HRAS: variants seen among roughly 807,000 people sequenced by gnomAD.
HRAS encodes GTPase HRas.
HRAS carries 11 observed loss-of-function variants against 19.8 expected under a neutral mutation model. The ratio of observed to expected loss-of-function variants is 0.55; its 90% CI spans 0.35 to 0.92. HRAS has a LOEUF of 0.92. Ranked by LOEUF, HRAS falls within the 40% of genes least tolerant of loss-of-function variation. The pLI is 0.01. For synonymous variants in HRAS, 149 were observed against 105.5 expected (o/e 1.41, Z -2.52); for missense variants, 204 against 255.9 (o/e 0.80, Z 1.38).
chr11:533,676 G>C lies in HRAS; in HGVS notation c.291-64C>G. On this transcript the variant is annotated intron_variant, in intron 3 of 5. Transcript: ENST00000311189. ...AGGCGCAGCGGCATCCAGGACATGC[G>C]CAGAGAGGACAGGAGGCCCCTGCCT... 8 of 1,611,536 alleles carry C rather than the reference G, an allele frequency of 5.0e-6. No homozygotes were observed. The South Asian group carries it at 7.7e-5, about 15-fold the overall frequency.
In HRAS at chr11:533,458, G is replaced by A. The variant is rs1554884750; in HGVS notation, c.445C>T (p.Arg149Trp). Residue 149 changes from arginine to tryptophan, a missense_variant, in exon 4 of 6, where the codon CGG becomes TGG. This residue lies in a region of HRAS where 142 missense variants were observed against 141.1 expected (regional missense o/e 1.01). Transcript: ENST00000311189. ...GGGGTGGAGAGCTGCCTCACCTGCC[G>A]GGTCTTGGCCGAGGTCTCGATGTAG... ...IPYIETSAKT[R>W]QGVEDAFYTL... is the part of the protein sequence containing the mutation. 1.2e-6 allele frequency: 2 copies of A among 1,613,270 alleles called. No homozygotes were observed. Among genetic ancestry groups the A allele is most frequent in the East Asian group, 2.2e-5 (1 of 44,880 alleles).
At chr11:534,612 A>G (rs1851341585) in intron 1 of HRAS, 1 of 529,592 alleles carries the variant, frequency 1.9e-6, no homozygotes, top group Admixed American at 3.2e-5. Context: ...CAGCCCTCAA[A>G]GGCAGGGCTG....
chr11:534,123 G>T, intron 2 of HRAS, 89 bp downstream of exon 2: 1 of 1,226,524 alleles, frequency 8.2e-7, no homozygotes, highest in Non-Finnish European at 1.2e-6. Flanking sequence ...CCATGCAGGG[G>T]ACCAGGGGCT....
Position 534,312 on chromosome 11 carries a change from T to C in HRAS, c.11A>G (p.Tyr4Cys), listed in dbSNP as rs764622691. Residue 4 changes from tyrosine to cysteine, a missense_variant, in exon 2 of 6, where the codon TAT becomes TGT. Coordinates refer to ENST00000311189, the MANE Select transcript of HRAS (RefSeq NM_005343.4). Reference protein sequence around the residue: MTEYKLVVVGAGGV... With the variant: MTECKLVVVGAGGV... ...GCCGGCGCCCACCACCACCAGCTTA[T>C]ATTCCGTCATCGCTCCTCAGGGGCC... 34 of 1,612,570 alleles carry C rather than the reference T, an allele frequency of 2.1e-5. No homozygotes were observed. Among genetic ancestry groups the C allele is most frequent in the Non-Finnish European group, 2.8e-5 (33 of 1,179,806 alleles).
Position 533,537 on chromosome 11 carries a change from T to G in HRAS, c.366A>C (p.Ala122=). The G allele has an allele frequency of 6.2e-7, 1 of 1,613,858 alleles. No individual in the cohort carries two copies. The highest frequency in any genetic ancestry group is 8.5e-7 in the Non-Finnish European group (1 of 1,179,996). ...GAGCCTGCCGAGATTCCACAGTGCG[T>G]GCAGCCAGGTCACACTTGTTCCCCA... ...VLVGNKCDLA[A]RTVESRQAQD... is the part of the protein sequence containing the mutation. Residue 122 remains alanine (A), a synonymous_variant, in exon 4 of 6, where the codon GCA becomes GCC. Transcript: ENST00000311189.
chr11:533,671 C>T, intron 3 of HRAS, 59 bp from the exon 4 acceptor site: 1 of 1,612,462 alleles, frequency 6.2e-7, no homozygotes, highest in South Asian at 1.1e-5. Flanking sequence ...GCATCCAGGA[C>T]ATGCGCAGAG....
In HRAS at chr11:533,638, C is replaced by T. The variant is rs771080319; in HGVS notation, c.291-26G>A. ...CTGAGAGGTGGAAAGCGAGAGCTGG[C>T]TACGGGGGCTGCAGGCGCAGCGGCA... On this transcript the variant is annotated intron_variant, in intron 3 of 5. Transcript: ENST00000311189. 3.7e-6 allele frequency: 6 copies of T among 1,613,518 alleles called. No individual in the cohort carries two copies. In the Admixed American group the frequency reaches 8.3e-5, roughly 22 times the overall value.
chr11:533,775 T>G lies in HRAS; in HGVS notation c.281A>C (p.His94Pro), dbSNP rs1408819968. The change falls in exon 3 of 6, where the codon CAC (histidine) becomes CCC (proline). Residue 94 changes from histidine to proline, a missense_variant. Transcript: ENST00000311189. ...GCCTCACGGGGTTCACCTGTACTGG[T>G]GGATGTCCTCAAAAGACTTGGTGTT... ...INNTKSFEDI[H>P]QYREQIKRVK... 6.2e-7 allele frequency: 1 copy of G among 1,613,262 alleles called. No individual in the cohort carries two copies. Among genetic ancestry groups the G allele is most frequent in the Non-Finnish European group, 8.5e-7 (1 of 1,179,988 alleles).
intron 2 of HRAS, 71 bp downstream of exon 2, chr11:534,141 G>A: frequency 7.6e-7 from 1 of 1,324,208 alleles, no homozygotes; most frequent in East Asian, 2.3e-5. Context: ...GCTGCAGCCA[G>A]CCCTATCCTG....
chr11:533,477 G>C lies in HRAS; in HGVS notation c.426C>G (p.Ile142Met), dbSNP rs533567288. The change falls in exon 4 of 6, where the codon ATC becomes ATG. Residue 142 changes from isoleucine to methionine, a missense_variant. By Grantham distance (10) the Ile-to-Met change is conservative. Around this residue, in one of 4 missense-constraint regions of HRAS, gnomAD observed 142 missense variants for 141.1 expected, o/e 1.01. Transcript: ENST00000311189. Reference sequence around the variant, plus strand: ...CCTGCCGGGTCTTGGCCGAGGTCTCGATGTAGGGGATGCCGTAGCTTCGGG... The same window carrying C: ...CCTGCCGGGTCTTGGCCGAGGTCTCCATGTAGGGGATGCCGTAGCTTCGGG... The part of the protein sequence containing the change: ...DLARSYGIPY[I>M]ETSAKTRQGV... 8 of 1,613,552 alleles carry C rather than the reference G, an allele frequency of 5.0e-6. No individual in the cohort carries two copies. Among genetic ancestry groups the C allele is most frequent in the East Asian group, 2.2e-5 (1 of 44,888 alleles).
chr11:532,939 C>T (rs546458687), intron 4 of HRAS, among the ~76,000 whole-genome samples, 184 bp from the exon 5 acceptor site: 70 of 152,318 alleles, frequency 4.6e-4, no homozygotes, highest in Non-Finnish European at 7.2e-4. Context: ...CAGGGCCACC[C>T]GCATCATGCT....
intron 2 of HRAS, 108 bp downstream of exon 2, chr11:534,104 G>T (rs1033863305): frequency 1.7e-6 from 2 of 1,172,572 alleles, no homozygotes; most frequent in Non-Finnish European, 2.5e-6. Flanking sequence ...AGGAGACAGG[G>T]CCACAGCACC....
intron 1 of HRAS, 146 bp downstream of exon 1, chr11:535,270 C>A (rs1241923449): frequency 7.4e-6 from 1 of 134,836 alleles, no homozygotes. Context: ...TGCCCGCGGG[C>A]CCCGCCCGGC....
In HRAS at chr11:532,291, C is replaced by T. The variant is rs990121079; in HGVS notation, c.*237G>A. Reference sequence around the variant, plus strand: ...TGATCCCATCTGTGCCCGACAAGGGCCCACAGAGGCCTGGGAGGGGAGCTA... The same window carrying T: ...TGATCCCATCTGTGCCCGACAAGGGTCCACAGAGGCCTGGGAGGGGAGCTA... On this transcript the variant is annotated 3_prime_UTR_variant, in exon 6 of 6. Coordinates refer to ENST00000311189, the MANE Select transcript of HRAS (RefSeq NM_005343.4). The T allele has an allele frequency of 1.1e-4, 53 of 475,424 alleles. No homozygotes were observed. Among genetic ancestry groups the T allele is most frequent in the South Asian group, 1.0e-3 (43 of 43,136 alleles). 29.5% of individuals were successfully genotyped at this position (475,424 alleles called of 1,614,324 possible).
intron 1 of HRAS, among the ~76,000 whole-genome samples, chr11:534,957 C>G (rs913965389): frequency 1.3e-5 from 2 of 152,250 alleles, no homozygotes; most frequent in Non-Finnish European, 2.9e-5. Context: ...GAAGCAGGGA[C>G]TGAGCGACAG....
At position 535,549 on chromosome 11, in the gene HRAS, C is replaced by T. The variant is rs1040797159; in HGVS notation, c.-187G>A. The T allele has an allele frequency of 6.7e-6, 1 of 148,534 alleles. No individual in the cohort carries two copies. Among genetic ancestry groups the T allele is most frequent in the African/African-American group, 2.4e-5 (1 of 40,960 alleles). 9.2% of individuals were successfully genotyped at this position (148,534 alleles called of 1,614,324 possible). A position where few individuals can be genotyped will look rare whatever the true frequency, so the allele number is the denominator to read the frequency against. ...TGCGGCTCGGGTTGCGGGCGCAGGG[C>T]ACGGGCGGCGGAGACTCGGGCGGGC... On this transcript the variant is annotated 5_prime_UTR_variant, in exon 1 of 6. Transcript: ENST00000311189.
chr11:533,598 C>T lies in HRAS; in HGVS notation c.305G>A (p.Arg102Gln), dbSNP rs2133987910. The change falls in exon 4 of 6, where the codon CGG (arginine) becomes CAG (glutamine). Residue 102 changes from arginine to glutamine, a missense_variant. Around this residue, in one of 4 missense-constraint regions of HRAS, gnomAD observed 142 missense variants for 141.1 expected, o/e 1.01. Transcript: ENST00000311189. ...DIHQYREQIK[R>Q]VKDSDDVPMV... Reference sequence around the variant, plus strand: ...GGGCACGTCATCCGAGTCCTTCACCCGTTTGATCTGCTCCCTGAGAGGTGG... The same window carrying T: ...GGGCACGTCATCCGAGTCCTTCACCTGTTTGATCTGCTCCCTGAGAGGTGG... 1 of 1,613,836 alleles carries T rather than the reference C, an allele frequency of 6.2e-7. No individual in the cohort carries two copies. Among genetic ancestry groups the T allele is most frequent in the Non-Finnish European group, 8.5e-7 (1 of 1,179,984 alleles).
At chr11:535,331 C>T (rs1232008872) in intron 1 of HRAS, 85 bp downstream of exon 1, 1 of 146,624 alleles carries the variant, frequency 6.8e-6, no homozygotes, top group Admixed American at 6.8e-5. Flanking sequence ...CCGCCGGCCC[C>T]GCGCCCCCGG....
intron 4 of HRAS, among the ~76,000 whole-genome samples, chr11:533,124 C>T (rs905783132): frequency 1.3e-4 from 20 of 152,242 alleles, no homozygotes; most frequent in Admixed American, 4.6e-4. Flanking sequence ...CAAGAGGGGC[C>T]GGGCCCCAGG....
Sources: allele counts gnomAD v4.1 joint callset (sites outside exome capture counted in the v4.1 genomes callset), GRCh38; gene constraint gnomAD v4.1.1; regional missense constraint gnomAD v4.1.1; transcripts MANE v1.5; gene names NCBI Gene and HGNC (gene_info 2026-07-23, HGNC 2026-07-21).